The following PARD3B variants were observed in gnomAD, a reference collection of about 807,000 sequenced individuals.
PARD3B encodes partitioning defective 3 homolog B.
In PARD3B, 103 loss-of-function variants were observed where a neutral mutation model predicts 130.2. That is an observed-to-expected ratio of 0.79 (90% CI 0.67 to 0.93). The LOEUF is 0.93. Among genes scored for constraint, PARD3B ranks in the 40% least tolerant of loss-of-function variants. The pLI is 0.00. For synonymous variants in PARD3B, 583 were observed against 553.2 expected (o/e 1.05, Z -0.76); for missense variants, 1,609 against 1,499.2 (o/e 1.07, Z -1.21).
In PARD3B at chr2:205,281,066, G is replaced by A. The variant is rs916885994; in HGVS notation, c.2186-19464G>A. On this transcript the variant is annotated intron_variant, in intron 16 of 22. Transcript: ENST00000406610. The surrounding 1 kb of genome is among the most constrained non-coding windows in gnomAD (Gnocchi z 4.2). ...GAGCTCTGCCATTTTCGATGCTCTG[G>A]TGTCACCCATGGCAACAATATTTAG... Among the ~76,000 whole-genome samples, 1 of 152,136 alleles carries A rather than the reference G, an allele frequency of 6.6e-6. No homozygotes were observed. Among genetic ancestry groups the A allele is most frequent in the Non-Finnish European group, 1.5e-5 (1 of 68,032 alleles).
At position 205,021,096 on chromosome 2, in the gene PARD3B, TC is replaced by T. The variant is rs1195388390; in HGVS notation, c.395-26483del. Among the ~76,000 whole-genome samples the T allele has an allele frequency of 6.6e-6, 1 of 152,076 alleles. No homozygotes were observed. Among genetic ancestry groups the T allele is most frequent in the Non-Finnish European group, 1.5e-5 (1 of 68,014 alleles). ...GATGGTGGGCAGAGAAAGCACCAGTTCCTATGTACTACCTCCAAACCAGAAA... is the reference window on the plus strand; with the variant it reads ...GATGGTGGGCAGAGAAAGCACCAGTTCTATGTACTACCTCCAAACCAGAAA... On this transcript the variant is annotated intron_variant, in intron 3 of 22. Transcript: ENST00000406610. The surrounding 1 kb of genome is among the most constrained non-coding windows in gnomAD (Gnocchi z 4.5).
At chr2:205,192,451 T>G (rs2036448430) in intron 14 of PARD3B, among the ~76,000 whole-genome samples, 1 of 152,200 alleles carries the variant, frequency 6.6e-6, no homozygotes, top group Non-Finnish European at 1.5e-5. Context: ...TTATTAAAAT[T>G]ATATAAATTT....
Position 204,792,362 on chromosome 2 carries a change from AG to A in PARD3B, c.222+106081del, listed in dbSNP as rs1377010357. On this transcript the variant is annotated intron_variant, in intron 2 of 22. Coordinates refer to ENST00000406610, the MANE Select transcript of PARD3B (RefSeq NM_001302769.2). Reference sequence around the variant, plus strand: ...CTGCTTCACTGTTTTTGCTTGTTAAAGAATATAGCAATAATGGCTTTAAACT... The same window carrying A: ...CTGCTTCACTGTTTTTGCTTGTTAAAAATATAGCAATAATGGCTTTAAACT... Among the ~76,000 whole-genome samples the A allele has an allele frequency of 2.0e-5, 3 of 152,274 alleles. No individual in the cohort carries two copies. In the East Asian group the frequency reaches 5.8e-4, roughly 29 times the overall value.
Position 205,574,272 on chromosome 2 carries a change from T to G in PARD3B, c.3260+20869T>G, listed in dbSNP as rs182177755. 6.2e-4 allele frequency among the ~76,000 whole-genome samples: 95 copies of G among 152,292 alleles called. 1 individual carries two copies. Among genetic ancestry groups the G allele is most frequent in the South Asian group, 3.1e-3 (15 of 4,818 alleles). ...GTTTGTAGATTGCCTAAACATAATTTACCACAGGCAGACAACGAACAAGAC... is the reference window on the plus strand; with the variant it reads ...GTTTGTAGATTGCCTAAACATAATTGACCACAGGCAGACAACGAACAAGAC... On this transcript the variant is annotated intron_variant, in intron 22 of 22. Coordinates refer to ENST00000406610, the MANE Select transcript of PARD3B (RefSeq NM_001302769.2).
chr2:204,854,543 T>C (rs934166290), intron 2 of PARD3B, among the ~76,000 whole-genome samples: 4 of 152,240 alleles, frequency 2.6e-5, no homozygotes, highest in African/African-American at 7.2e-5. Context: ...TGAAATGTTC[T>C]AGAGGACTCA....
Position 205,440,599 on chromosome 2 carries a change from C to T in PARD3B, c.2971C>T (p.Pro991Ser). ...CCCTCGGGATGGCCATCCACTGTCT[C>T]CAGAAAGAGACCACTTAGAGGGTCT... ...GYPRDGHPLS[P>S]ERDHLEGLYA... The change falls in exon 20 of 23, where the codon CCA becomes TCA. Residue 991 changes from proline (P) to serine (S), a missense_variant. Transcript: ENST00000406610. The surrounding 1 kb of genome is among the most constrained non-coding windows in gnomAD (Gnocchi z 4.2). The T allele has an allele frequency of 6.2e-7, 1 of 1,614,000 alleles. No homozygotes were observed. Among genetic ancestry groups the T allele is most frequent in the Non-Finnish European group, 8.5e-7 (1 of 1,179,926 alleles).
At chr2:204,804,430 A>G (rs903017635) in intron 2 of PARD3B, among the ~76,000 whole-genome samples, 2 of 152,212 alleles carry the variant, frequency 1.3e-5, no homozygotes, top group African/African-American at 2.4e-5. Flanking sequence ...AAAGGGATCA[A>G]TTCAGCAAGA....
intron 2 of PARD3B, among the ~76,000 whole-genome samples, chr2:204,913,996 A>C (rs1389657380): frequency 6.6e-6 from 1 of 152,196 alleles, no homozygotes; most frequent in African/African-American, 2.4e-5. Flanking sequence ...GCCCTCAGTA[A>C]GGGTCAGTTG....
Position 205,166,295 on chromosome 2 carries a change from CTA to C in PARD3B, c.1621-5914_1621-5913del, listed in dbSNP as rs964116156. The stretch of plus-strand genomic sequence containing the variant: ...CATTTAATTCTGTCTGGGGAGAAAA[CTA>C]TGAAAGGAAGGCAATTGCAAGGCTT... On this transcript the variant is annotated intron_variant, in intron 11 of 22. Transcript: ENST00000406610. Among the ~76,000 whole-genome samples the C allele has an allele frequency of 9.2e-5, 14 of 152,240 alleles. No individual in the cohort carries two copies. The East Asian group carries it at 9.6e-4, about 10-fold the overall frequency.
intron 2 of PARD3B, among the ~76,000 whole-genome samples, chr2:204,843,628 G>C (rs540790911): frequency 1.3e-5 from 2 of 152,156 alleles, no homozygotes; most frequent in South Asian, 4.1e-4. Context: ...GACCTCCTCA[G>C]CTTCGCAAAG....
chr2:204,899,027 G>T (rs1227499403), intron 2 of PARD3B, among the ~76,000 whole-genome samples: 1 of 148,424 alleles, frequency 6.7e-6, no homozygotes, highest in East Asian at 2.0e-4. Flanking sequence ...GGTGAAGTCT[G>T]CTTCTTGTAG....
chr2:205,523,248 T>G lies in PARD3B; in HGVS notation c.3180+23217T>G, dbSNP rs918353815. Reference sequence around the variant, plus strand: ...GTGTATATATATATATATATTTATATATATATATATTTTTGAGATGGAGTC... The same window carrying G: ...GTGTATATATATATATATATTTATAGATATATATATTTTTGAGATGGAGTC... On this transcript the variant is annotated intron_variant, in intron 21 of 22. Transcript: ENST00000406610. 3.4e-5 allele frequency among the ~76,000 whole-genome samples: 5 copies of G among 147,550 alleles called. 1 individual carries two copies. The highest frequency in any genetic ancestry group is 3.6e-3 in the Middle Eastern group (1 of 280).
chr2:204,872,909 T>C (rs574205776), intron 2 of PARD3B, among the ~76,000 whole-genome samples: 3 of 152,188 alleles, frequency 2.0e-5, no homozygotes, highest in Non-Finnish European at 4.4e-5. Flanking sequence ...CTTATTTGCT[T>C]CTCAAATCTA....
chr2:205,449,379 G>A (rs1406747160), intron 20 of PARD3B, among the ~76,000 whole-genome samples: 9 of 151,220 alleles, frequency 6.0e-5, no homozygotes, highest in African/African-American at 1.9e-4. Flanking sequence ...ACAGGTGCCC[G>A]CCACCACGCC....
At chr2:204,709,890 G>GTT (rs1455544371) in intron 2 of PARD3B, among the ~76,000 whole-genome samples, 1 of 152,180 alleles carries the variant, frequency 6.6e-6, no homozygotes, top group African/African-American at 2.4e-5. Context: ...GACTTTAAAT[G>GTT]TTTAAGTGAT....
chr2:204,738,862 A>G (rs919948118), intron 2 of PARD3B, among the ~76,000 whole-genome samples: 1 of 152,172 alleles, frequency 6.6e-6, no homozygotes, highest in Non-Finnish European at 1.5e-5. Flanking sequence ...TAAATGGCTG[A>G]TGTAATTAGA....
At chr2:205,610,964 A>G (rs1379137424) in intron 22 of PARD3B, among the ~76,000 whole-genome samples, 1 of 152,212 alleles carries the variant, frequency 6.6e-6, no homozygotes, top group African/African-American at 2.4e-5. Flanking sequence ...AACAAATTCA[A>G]CATACATTTG....
chr2:205,178,905 T>A (rs1245547705), intron 13 of PARD3B, among the ~76,000 whole-genome samples: 2 of 152,210 alleles, frequency 1.3e-5, no homozygotes, highest in African/African-American at 4.8e-5. Flanking sequence ...CTTCTACTTA[T>A]TTTTTAAAAA....
intron 21 of PARD3B, among the ~76,000 whole-genome samples, chr2:205,537,302 G>A (rs1272928539): frequency 1.3e-5 from 2 of 152,190 alleles, no homozygotes; most frequent in South Asian, 2.1e-4. Context: ...TCATATAAAT[G>A]GCACTCAACC....
Sources: allele counts gnomAD v4.1 joint callset (sites outside exome capture counted in the v4.1 genomes callset), GRCh38; gene constraint gnomAD v4.1.1; non-coding constraint Gnocchi (gnomAD v3.1); transcripts MANE v1.5; gene names NCBI Gene and HGNC (gene_info 2026-07-23, HGNC 2026-07-21).